DLGAP5: variants seen among roughly 807,000 people sequenced by gnomAD.
DLGAP5 encodes the protein disks large-associated protein 5.
DLGAP5 carries 90 observed loss-of-function variants against 99.6 expected under a neutral mutation model. The ratio of observed to expected loss-of-function variants is 0.90; its 90% confidence interval spans 0.76 to 1.08. The LOEUF (loss-of-function observed/expected upper bound fraction) is 1.08, where lower values mean the gene tolerates loss of function less well. Ranked by LOEUF, DLGAP5 falls within the 50% of genes least tolerant of loss-of-function variation. The probability of loss-of-function intolerance (pLI) is 0.00; values close to 1 mark genes in which losing one functional copy is unlikely to be tolerated. For synonymous variants in DLGAP5, 311 were observed against 321.3 expected, an observed-to-expected ratio of 0.97 and a Z score of 0.34; for missense variants, 1,036 against 983.5, an observed-to-expected ratio of 1.05 and a Z score of -0.71.
intron 12 of DLGAP5, among the ~76,000 whole-genome samples, chr14:55,164,283 C>A (rs924137335): frequency 1.1e-4 from 17 of 151,224 alleles, no homozygotes; most frequent in African/African-American, 4.1e-4. Context: ...CTAGCCTGGG[C>A]AACAAGGCAA....
chr14:55,151,928 G>A lies in DLGAP5; in HGVS notation c.2135C>T (p.Thr712Ile). 1 of 1,611,064 alleles carries A rather than the reference G, an allele frequency of 6.2e-7. No homozygotes were observed. The highest frequency in any genetic ancestry group is 8.5e-7 in the Non-Finnish European group (1 of 1,179,158). The change falls in exon 17 of 19, where the codon ACA (threonine) becomes ATA (isoleucine). Residue 712 changes from threonine to isoleucine, a missense_variant. Coordinates refer to ENST00000247191, the MANE Select transcript of DLGAP5 (RefSeq NM_014750.5). ...LIEENHVVNKTDLKVDCLSSE... is the reference protein window; with the variant it reads ...LIEENHVVNKIDLKVDCLSSE... ...GGATAAACAATCCACCTTCAAGTCT[G>A]TCTTATTTACAACCTGGAAGTAAAA...
chr14:55,169,583 A>T (rs76187513), intron 11 of DLGAP5, 24 bp from the exon 12 acceptor site: 118,283 of 1,561,534 alleles, frequency 0.076, 4,863 homozygotes, highest in South Asian at 0.096. Flanking sequence ...GAGATTTTTT[A>T]AAATTAAAGG....
intron 13 of DLGAP5, among the ~76,000 whole-genome samples, chr14:55,160,079 CTG>C (rs1358293876): frequency 1.3e-5 from 2 of 152,254 alleles, no homozygotes; most frequent in Non-Finnish European, 2.9e-5. Context: ...TGGCACATGC[CTG>C]TAGTCCCAGC....
At chr14:55,164,208 T>C (rs181334370) in intron 12 of DLGAP5, among the ~76,000 whole-genome samples, 140 of 152,230 alleles carry the variant, frequency 9.2e-4, no homozygotes, top group African/African-American at 3.2e-3. Context: ...CTGTGGCATA[T>C]GCCTATAATC....
chr14:55,180,706 C>T lies in DLGAP5; in HGVS notation c.653G>A (p.Arg218Lys), dbSNP rs372697699. Reference protein sequence around the residue: ...SATQAAKQVPRTVSSTTARKP... With the variant: ...SATQAAKQVPKTVSSTTARKP... ...TCTTGCTGTGGTAGATGAGACTGTT[C>T]TGGGAACCTGCTTTGCTGCTTGAGT... The change falls in exon 6 of 19, where the codon AGA becomes AAA. Residue 218 changes from arginine to lysine, a missense_variant. Arg to Lys is a conservative substitution (Grantham distance 26). Transcript: ENST00000247191. 16 of 1,614,028 alleles carry T rather than the reference C, an allele frequency of 9.9e-6. No homozygotes were observed. In the African/African-American group the frequency reaches 2.0e-4, roughly 20 times the overall value.
At chr14:55,181,370 T>C in intron 4 of DLGAP5, 73 bp from the exon 5 acceptor site, 1 of 1,249,828 alleles carries the variant, frequency 8.0e-7, no homozygotes, top group South Asian at 1.4e-5. Flanking sequence ...AATCTGTAAA[T>C]TGATTCCTCA....
intron 7 of DLGAP5, among the ~76,000 whole-genome samples, chr14:55,177,928 C>A (rs974763363): frequency 4.9e-4 from 74 of 151,884 alleles, no homozygotes; most frequent in Admixed American, 1.7e-3. Flanking sequence ...AAAACTTATT[C>A]AACAAATACG....
chr14:55,170,803 A>C lies in DLGAP5; in HGVS notation c.1302-16T>G. The C allele has an allele frequency of 1.2e-6, 2 of 1,601,456 alleles. No individual in the cohort carries two copies. Among genetic ancestry groups the C allele is most frequent in the Non-Finnish European group, 1.7e-6 (2 of 1,168,652 alleles). ...GAGGATATTTCTAAAATTATGACATACATTTCAGTTCTACAAGTGGTTTTT... is the reference window on the plus strand; with the variant it reads ...GAGGATATTTCTAAAATTATGACATCCATTTCAGTTCTACAAGTGGTTTTT... On this transcript the variant is annotated splice_polypyrimidine_tract_variant and intron_variant, in intron 10 of 18. Transcript: ENST00000247191.
chr14:55,153,416 C>T (rs1882086635), intron 15 of DLGAP5, among the ~76,000 whole-genome samples: 1 of 151,854 alleles, frequency 6.6e-6, no homozygotes, highest in Non-Finnish European at 1.5e-5. Flanking sequence ...TGACATGCGC[C>T]TGTAGTCCCA....
chr14:55,179,015 C>A (rs112250637), intron 7 of DLGAP5, among the ~76,000 whole-genome samples: 1 of 151,680 alleles, frequency 6.6e-6, no homozygotes, highest in Non-Finnish European at 1.5e-5. Context: ...CCATTGCACT[C>A]GAGCCTGGGC....
intron 6 of DLGAP5, among the ~76,000 whole-genome samples, chr14:55,180,378 T>G (rs374993039): frequency 1.3e-5 from 2 of 152,322 alleles, no homozygotes; most frequent in East Asian, 1.9e-4. Flanking sequence ...TTATTCTTAA[T>G]GGCTACGTTG....
rs1555330252 is a variant in DLGAP5, at chr14:55,190,289, T to TATACACACACACACAC, written c.-1-1110_-1-1109insGTGTGTGTGTGTGTAT. 4.6e-3 allele frequency among the ~76,000 whole-genome samples: 677 copies of TATACACACACACACAC among 147,408 alleles called. 4 individuals are homozygous for TATACACACACACACAC. The highest frequency in any genetic ancestry group is 0.016 in the African/African-American group (629 of 40,052). On this transcript the variant is annotated intron_variant, in intron 1 of 18. Coordinates refer to ENST00000247191, the MANE Select transcript of DLGAP5 (RefSeq NM_014750.5). ...TATAAATTTTAAAAAAGAAAAGCCATACACACACACACACACACACACACA... is the reference window on the plus strand; with the variant it reads ...TATAAATTTTAAAAAAGAAAAGCCATATACACACACACACACACACACACACACACACACACACACA...
chr14:55,176,570 C>T (rs1433539266), intron 8 of DLGAP5, among the ~76,000 whole-genome samples: 1 of 151,882 alleles, frequency 6.6e-6, no homozygotes, highest in Middle Eastern at 3.4e-3. Context: ...AATATAAAAA[C>T]TGTCAATTAC....
chr14:55,162,116 A>G (rs895702317), intron 13 of DLGAP5, among the ~76,000 whole-genome samples: 1 of 152,070 alleles, frequency 6.6e-6, no homozygotes, highest in Non-Finnish European at 1.5e-5. Context: ...CTTTGAATTC[A>G]AAAACATTAC....
intron 18 of DLGAP5, among the ~76,000 whole-genome samples, chr14:55,149,592 A>G (rs954931870): frequency 6.6e-6 from 1 of 152,228 alleles, no homozygotes; most frequent in Non-Finnish European, 1.5e-5. Context: ...TGAATTTCTC[A>G]TATTCTGAGA....
intron 14 of DLGAP5, among the ~76,000 whole-genome samples, chr14:55,155,110 C>T (rs1231261009): frequency 6.6e-6 from 1 of 152,106 alleles, no homozygotes; most frequent in East Asian, 1.9e-4. Context: ...CTGCAACCTC[C>T]GCCTCCCAGC....
rs113824940 is a variant in DLGAP5, at chr14:55,164,309, G to GA, written c.1549-1235dup. 5.5e-5 allele frequency among the ~76,000 whole-genome samples: 8 copies of GA among 146,362 alleles called. No homozygotes were observed. In the South Asian group the frequency reaches 6.5e-4, roughly 12 times the overall value. On this transcript the variant is annotated intron_variant, in intron 12 of 18. Transcript: ENST00000247191. ...AACAAGGCAAGACTCCATCTCAAAG[G>GA]AAAAAAAAAAGTAAATGTCAAAATG...
intron 2 of DLGAP5, among the ~76,000 whole-genome samples, chr14:55,184,426 T>C (rs911067157): frequency 2.0e-5 from 3 of 152,228 alleles, no homozygotes; most frequent in Admixed American, 6.5e-5. Flanking sequence ...TGCTATGTAA[T>C]AGGCATTTAT....
Position 55,182,443 on chromosome 14 carries a change from T to C in DLGAP5, c.433-11A>G. On this transcript the variant is annotated splice_polypyrimidine_tract_variant and intron_variant, in intron 3 of 18. Transcript: ENST00000247191. Reference sequence around the variant, plus strand: ...AGAAGATGGAATAGCCTTAGAACAGTCAAAAGAAGATGAACTTAAAATATG... The same window carrying C: ...AGAAGATGGAATAGCCTTAGAACAGCCAAAAGAAGATGAACTTAAAATATG... 1 of 1,597,992 alleles carries C rather than the reference T, an allele frequency of 6.3e-7. No homozygotes were observed. Among genetic ancestry groups the C allele is most frequent in the South Asian group, 1.1e-5 (1 of 87,760 alleles).
Sources: allele counts gnomAD v4.1 joint callset (sites outside exome capture counted in the v4.1 genomes callset), GRCh38; gene constraint gnomAD v4.1.1; transcripts MANE v1.5; gene names NCBI Gene and HGNC (gene_info 2026-07-23, HGNC 2026-07-21).